The following PTPRN2 variants were observed in gnomAD, a reference collection of about 807,000 sequenced individuals.
The protein encoded by PTPRN2 is receptor-type tyrosine-protein phosphatase N2.
PTPRN2 carries 74 observed loss-of-function variants against 118.8 expected under a neutral mutation model. The observed-to-expected ratio is 0.62, with a 90% CI of 0.52 to 0.76. PTPRN2 has a LOEUF of 0.76. PTPRN2 is among the 30% of genes least tolerant of loss of function. The probability of loss-of-function intolerance (pLI) is 0.00; values close to 1 mark genes in which losing one functional copy is unlikely to be tolerated. For missense variants in PTPRN2, 1,481 were observed against 1,394.4 expected (o/e 1.06, Z -0.99); for synonymous variants, 641 against 608.0 (o/e 1.05, Z -0.80).
At chr7:157,950,406 G>A (rs1212108894) in intron 11 of PTPRN2, among the ~76,000 whole-genome samples, 7 of 152,100 alleles carry the variant, frequency 4.6e-5, no homozygotes, top group Admixed American at 3.9e-4. Flanking sequence ...ATTTGGGTGG[G>A]TCGAATGCTC....
chr7:158,162,202 T>C (rs1822423107), intron 6 of PTPRN2, among the ~76,000 whole-genome samples: 1 of 152,200 alleles, frequency 6.6e-6, no homozygotes, highest in Non-Finnish European at 1.5e-5. Flanking sequence ...AAACCAAACA[T>C]TCTCTTACTA....
At chr7:158,130,420 ACT>A (rs773222988) in intron 9 of PTPRN2, among the ~76,000 whole-genome samples, 9 of 148,012 alleles carry the variant, frequency 6.1e-5, no homozygotes, top group Non-Finnish European at 8.9e-5. Context: ...ACTCATACAC[ACT>A]CACACACACA....
At chr7:157,656,216 T>A in intron 14 of PTPRN2, 141 bp downstream of exon 14, 1 of 793,826 alleles carries the variant, frequency 1.3e-6, no homozygotes, top group East Asian at 2.7e-5. Flanking sequence ...GAGCCCTGCC[T>A]GTCAGCCTCT....
intron 17 of PTPRN2, among the ~76,000 whole-genome samples, chr7:157,588,108 G>T (rs976094731): frequency 6.6e-6 from 1 of 152,216 alleles, no homozygotes; most frequent in African/African-American, 2.4e-5. Context: ...CATCCACTCC[G>T]CACCTGATGG....
chr7:158,189,643 A>C (rs896506346), intron 5 of PTPRN2, among the ~76,000 whole-genome samples: 90 of 152,352 alleles, frequency 5.9e-4, no homozygotes, highest in African/African-American at 2.1e-3. Context: ...CGAGTCTCTG[A>C]AACTTTTAAT....
chr7:158,469,033 C>A lies in PTPRN2; in HGVS notation c.163+20702G>T, dbSNP rs13311843. ...ACACTATGCACACCCACACACACTC[C>A]GGGTGGATCAACACTATGCACACCC... is the stretch of plus-strand genomic sequence containing the variant. On this transcript the variant is annotated intron_variant, in intron 2 of 22. Coordinates refer to ENST00000389418, the MANE Select transcript of PTPRN2 (RefSeq NM_002847.5). Among the ~76,000 whole-genome samples, 238 of 137,428 alleles carry A rather than the reference C, an allele frequency of 1.7e-3. 5 individuals carry two copies. Among genetic ancestry groups the A allele is most frequent in the Non-Finnish European group, 2.2e-3 (140 of 63,248 alleles). 90.2% of individuals were successfully genotyped at this position (137,428 alleles called of 152,430 possible). A position where few individuals can be genotyped will look rare whatever the true frequency, so the allele number is the denominator to read the frequency against.
intron 3 of PTPRN2, among the ~76,000 whole-genome samples, chr7:158,262,140 G>A (rs114884984): frequency 6.6e-6 from 1 of 152,128 alleles, no homozygotes; most frequent in Non-Finnish European, 1.5e-5. Context: ...CACAGTGACT[G>A]CCCCAAAGTC....
intron 3 of PTPRN2, among the ~76,000 whole-genome samples, chr7:158,280,359 G>A (rs1166967394): frequency 2.0e-5 from 3 of 152,130 alleles, no homozygotes; most frequent in African/African-American, 4.8e-5. Context: ...CCTGGGGGTC[G>A]GTAAGGACGC....
chr7:157,744,133 T>C (rs1800788085), intron 12 of PTPRN2, among the ~76,000 whole-genome samples: 1 of 152,230 alleles, frequency 6.6e-6, no homozygotes, highest in Non-Finnish European at 1.5e-5. Flanking sequence ...CCTGAGGTGC[T>C]ACTACGTGCT....
Position 157,929,898 on chromosome 7 carries a change from G to C in PTPRN2, c.1724-31161C>G, listed in dbSNP as rs886350321. 6.6e-6 allele frequency among the ~76,000 whole-genome samples: 1 copy of C among 152,158 alleles called. No homozygotes were observed. Among genetic ancestry groups the C allele is most frequent in the Non-Finnish European group, 1.5e-5 (1 of 68,032 alleles). On this transcript the variant is annotated intron_variant, in intron 11 of 22. Coordinates refer to ENST00000389418, the MANE Select transcript of PTPRN2 (RefSeq NM_002847.5). This position sits in a 1 kb window ranked among gnomAD's most constrained non-coding sequence, Gnocchi z 4.4. The stretch of plus-strand genomic sequence containing the variant: ...ATCTGAAGGCAGCCCCCACCAACGC[G>C]CTGGCTGCCTTGGGGCCAGGCATGA...
At position 157,987,067 on chromosome 7, in the gene PTPRN2, T is replaced by A. The variant is rs1310496646; in HGVS notation, c.1724-88330A>T. Among the ~76,000 whole-genome samples the A allele has an allele frequency of 6.6e-6, 1 of 151,724 alleles. No homozygotes were observed. Among genetic ancestry groups the A allele is most frequent in the African/African-American group, 2.4e-5 (1 of 41,250 alleles). On this transcript the variant is annotated intron_variant, in intron 11 of 22. Coordinates refer to ENST00000389418, the MANE Select transcript of PTPRN2 (RefSeq NM_002847.5). The surrounding 1 kb of genome is among the most constrained non-coding windows in gnomAD (Gnocchi z 4.3). ...CCGGTACACATCTAGGGAGTGATGA[T>A]CCCCCTCCACCAGCCAGTGGGGAAT...
chr7:157,565,224 T>C (rs564303614), intron 21 of PTPRN2, among the ~76,000 whole-genome samples: 1 of 152,322 alleles, frequency 6.6e-6, no homozygotes, highest in South Asian at 2.1e-4. Context: ...TCTATGCCCG[T>C]GTGGACACCC....
intron 1 of PTPRN2, among the ~76,000 whole-genome samples, chr7:158,536,873 A>G (rs1182668688): frequency 2.6e-5 from 4 of 152,232 alleles, no homozygotes; most frequent in Admixed American, 6.5e-5. Flanking sequence ...GGGACTCAGG[A>G]AAACAACTGA....
rs1289090907 is a variant in PTPRN2, at chr7:157,578,445, CGCCACACATAACA to C, written c.2497-318_2497-306del. The stretch of plus-strand genomic sequence containing the variant: ...GATCTGTAAAGGAAACTTTCTACAA[CGCCACACATAACA>C]GCCAGCACTTCTCGAGGCGGTGCCG... On this transcript the variant is annotated intron_variant, in intron 17 of 22. Coordinates refer to ENST00000389418, the MANE Select transcript of PTPRN2 (RefSeq NM_002847.5). Among the ~76,000 whole-genome samples the C allele has an allele frequency of 3.3e-5, 5 of 152,188 alleles. No individual in the cohort carries two copies. In the East Asian group the frequency reaches 9.6e-4, roughly 29 times the overall value.
In PTPRN2 at chr7:158,529,541, T is replaced by C. The variant is rs908441001; in HGVS notation, c.113-39756A>G. ...CTGCCTCTGGAACCACAGAGTGCTC[T>C]GTATTAGATATTTTGTGCATTTTTG... is the stretch of plus-strand genomic sequence containing the variant. On this transcript the variant is annotated intron_variant, in intron 1 of 22. Transcript: ENST00000389418. This position sits in a 1 kb window ranked among gnomAD's most constrained non-coding sequence, Gnocchi z 4.7. 2.0e-5 allele frequency among the ~76,000 whole-genome samples: 3 copies of C among 152,228 alleles called. No individual in the cohort carries two copies. Among genetic ancestry groups the C allele is most frequent in the East Asian group, 3.9e-4 (2 of 5,184 alleles).
At chr7:158,530,832 T>C (rs1825168512) in intron 1 of PTPRN2, among the ~76,000 whole-genome samples, 1 of 152,122 alleles carries the variant, frequency 6.6e-6, no homozygotes, top group Admixed American at 6.5e-5. Context: ...GCAAGAGGTG[T>C]CGGGCCATGT....
Position 158,484,651 on chromosome 7 carries a change from C to T in PTPRN2, c.163+5084G>A, listed in dbSNP as rs192554188. On this transcript the variant is annotated intron_variant, in intron 2 of 22. Coordinates refer to ENST00000389418, the MANE Select transcript of PTPRN2 (RefSeq NM_002847.5). ...GTGCTGGGATTACAGGGTGAGCCTCCGCCCTGGCCTCCTGGACATTTTGTA... is the reference window on the plus strand; with the variant it reads ...GTGCTGGGATTACAGGGTGAGCCTCTGCCCTGGCCTCCTGGACATTTTGTA... Among the ~76,000 whole-genome samples, 318 of 152,314 alleles carry T rather than the reference C, an allele frequency of 2.1e-3. 1 individual carries two copies. The highest frequency in any genetic ancestry group is 7.0e-3 in the African/African-American group (292 of 41,572).
intron 17 of PTPRN2, among the ~76,000 whole-genome samples, chr7:157,580,795 C>T (rs1585058832): frequency 1.7e-5 from 2 of 117,154 alleles, no homozygotes; most frequent in African/African-American, 6.6e-5. Flanking sequence ...CCCCTGCACA[C>T]CCCAGCACCT....
At chr7:157,721,829 G>A (rs942266735) in intron 12 of PTPRN2, among the ~76,000 whole-genome samples, 1 of 152,208 alleles carries the variant, frequency 6.6e-6, no homozygotes, top group African/African-American at 2.4e-5. Context: ...CTGGAGGATG[G>A]TGGCTTTGCA....
Sources: allele counts gnomAD v4.1 joint callset (sites outside exome capture counted in the v4.1 genomes callset), GRCh38; gene constraint gnomAD v4.1.1; non-coding constraint Gnocchi (gnomAD v3.1); transcripts MANE v1.5; gene names NCBI Gene and HGNC (gene_info 2026-07-23, HGNC 2026-07-21).